TBCD: variants seen among roughly 807,000 people sequenced by gnomAD.
TBCD encodes the protein tubulin-specific chaperone D.
In TBCD, 105 loss-of-function variants were observed where a neutral mutation model predicts 169.3. The observed-to-expected ratio is 0.62, with a 90% confidence interval of 0.53 to 0.73. The LOEUF (loss-of-function observed/expected upper bound fraction) is 0.73. TBCD is among the 30% of genes least tolerant of loss of function. The pLI is 0.00. For missense variants in TBCD, 1,444 were observed against 1,600.1 expected (o/e 0.90, Z 1.66); for synonymous variants, 700 against 643.9 (o/e 1.09, Z -1.32).
intron 33 of TBCD, chr17:82,932,274 G>C: frequency 2.7e-6 from 1 of 371,622 alleles, no homozygotes; most frequent in Non-Finnish European, 5.1e-6. Flanking sequence ...TATAGCGTCG[G>C]CACAGGCACC....
intron 6 of TBCD, among the ~76,000 whole-genome samples, chr17:82,780,936 C>T (rs868361953): frequency 9.2e-5 from 14 of 152,044 alleles, no homozygotes; most frequent in African/African-American, 3.4e-4. Context: ...TGAGCCACTG[C>T]GCCCGGCCAG....
intron 13 of TBCD, among the ~76,000 whole-genome samples, chr17:82,846,250 C>CT (rs1567878690): frequency 2.7e-5 from 4 of 148,488 alleles, no homozygotes; most frequent in African/African-American, 7.4e-5. Context: ...GCCCCCTCCA[C>CT]GCGCTGCGTC....
At chr17:82,863,368 C>T (rs1205183679) in intron 13 of TBCD, among the ~76,000 whole-genome samples, 2 of 152,194 alleles carry the variant, frequency 1.3e-5, no homozygotes, top group Non-Finnish European at 2.9e-5. Flanking sequence ...CAAGCGGTGT[C>T]TGTACAGGAC....
chr17:82,871,000 A>T (rs2057517269), intron 14 of TBCD, among the ~76,000 whole-genome samples: 1 of 152,234 alleles, frequency 6.6e-6, no homozygotes, highest in African/African-American at 2.4e-5. Flanking sequence ...GATGTAAGTG[A>T]ACACTTCAGA....
At chr17:82,894,765 C>A (rs2059368840) in intron 17 of TBCD, among the ~76,000 whole-genome samples, 1 of 152,230 alleles carries the variant, frequency 6.6e-6, no homozygotes, top group Non-Finnish European at 1.5e-5. Flanking sequence ...ACGGGCAGAT[C>A]ACCTGAGGTC....
At chr17:82,815,931 A>G (rs2051858187) in intron 13 of TBCD, among the ~76,000 whole-genome samples, 1 of 152,122 alleles carries the variant, frequency 6.6e-6, no homozygotes, top group Admixed American at 6.5e-5. Flanking sequence ...CATGCCATAA[A>G]ATGCACTCAT....
chr17:82,937,338 A>G lies in TBCD; in HGVS notation c.3259A>G (p.Lys1087Glu), dbSNP rs775364866. 7.4e-6 allele frequency: 12 copies of G among 1,613,992 alleles called. No homozygotes were observed. Among genetic ancestry groups the G allele is most frequent in the Non-Finnish European group, 8.5e-6 (10 of 1,179,894 alleles). Reference protein sequence around the residue: ...KEIKNSKDIQKLLSGIAVFCE... With the variant: ...KEIKNSKDIQELLSGIAVFCE... The stretch of plus-strand genomic sequence containing the variant: ...AATCAAGAATTCAAAAGATATCCAG[A>G]AGCTCCTGTCAGGCATCGCAGTGTG... The change falls in exon 35 of 39, where the codon AAG becomes GAG. Residue 1087 changes from lysine (K) to glutamate (E), a missense_variant. Transcript: ENST00000355528.
At chr17:82,871,543 C>G (rs1376734228) in intron 14 of TBCD, among the ~76,000 whole-genome samples, 3 of 152,252 alleles carry the variant, frequency 2.0e-5, no homozygotes, top group Non-Finnish European at 4.4e-5. Flanking sequence ...AGAAGCTCCT[C>G]CTGCAGCTGT....
At position 82,922,533 on chromosome 17, in the gene TBCD, TC is replaced by T. The variant is rs1765449030; in HGVS notation, c.2178+957del. On this transcript the variant is annotated intron_variant, in intron 25 of 38. Transcript: ENST00000355528. This position sits in a 1 kb window ranked among gnomAD's most constrained non-coding sequence, Gnocchi z 4.1. ...ATCTTCAATTTTCTTATTTTTTTTT[TC>T]TTAAGGAACTTGAACATTCTGTAGG... Among the ~76,000 whole-genome samples the T allele has an allele frequency of 6.6e-6, 1 of 152,202 alleles. No individual in the cohort carries two copies. The highest frequency in any genetic ancestry group is 1.9e-4 in the East Asian group (1 of 5,200).
intron 13 of TBCD, chr17:82,865,363 AC>A (rs1195329243): frequency 2.8e-6 from 2 of 726,810 alleles, no homozygotes; most frequent in Non-Finnish European, 3.4e-6. Context: ...GGCAGGCTCC[AC>A]GCTGAGGGTC....
chr17:82,921,630 A>T (rs2061424961), intron 25 of TBCD, 53 bp downstream of exon 25: 6 of 1,549,678 alleles, frequency 3.9e-6, no homozygotes, highest in Non-Finnish European at 5.3e-6. Flanking sequence ...TTAGTGTGTT[A>T]GTCACGGATG....
intron 13 of TBCD, among the ~76,000 whole-genome samples, chr17:82,844,854 G>A (rs1173071201): frequency 6.6e-6 from 1 of 152,140 alleles, no homozygotes; most frequent in African/African-American, 2.4e-5. Context: ...GTGGGGCACC[G>A]TGCCAGGTGC....
At chr17:82,804,934 G>T (rs1467233906) in intron 9 of TBCD, among the ~76,000 whole-genome samples, 1 of 152,232 alleles carries the variant, frequency 6.6e-6, no homozygotes, top group Non-Finnish European at 1.5e-5. Flanking sequence ...CAGCACCAGT[G>T]TGTGAGTTCT....
chr17:82,766,659 C>T (rs2048032792), intron 4 of TBCD, among the ~76,000 whole-genome samples: 3 of 152,102 alleles, frequency 2.0e-5, no homozygotes, highest in Non-Finnish European at 4.4e-5. Flanking sequence ...GTAAGTATAA[C>T]TGTGTTGGGT....
chr17:82,803,435 C>T (rs1019642318), intron 9 of TBCD, among the ~76,000 whole-genome samples: 13 of 152,216 alleles, frequency 8.5e-5, no homozygotes, highest in African/African-American at 3.1e-4. Flanking sequence ...TCGCCTTGTG[C>T]TTCCTTATCT....
At position 82,752,379 on chromosome 17, in the gene TBCD, TGCGTGGGCGGCGCC is replaced by T. The variant is rs959594810; in HGVS notation, c.184+8_184+21del. 47 of 1,243,092 alleles carry T rather than the reference TGCGTGGGCGGCGCC, an allele frequency of 3.8e-5. No individual in the cohort carries two copies. The Middle Eastern group carries it at 1.6e-3, about 42-fold the overall frequency. 77.0% of individuals were successfully genotyped at this position (1,243,092 alleles called of 1,614,324 possible). A position where few individuals can be genotyped will look rare whatever the true frequency, so the allele number is the denominator to read the frequency against. ...AGGTGGCCCTGGAGCGGTTCCGCGG[TGCGTGGGCGGCGCC>T]GCGTGCCCGCTTCCTCCCCCGGCCC... On this transcript the variant is annotated splice_donor_5th_base_variant and intron_variant, in intron 1 of 38. Transcript: ENST00000355528.
chr17:82,810,132 T>C (rs527581791), intron 12 of TBCD, among the ~76,000 whole-genome samples: 2 of 152,184 alleles, frequency 1.3e-5, no homozygotes, highest in South Asian at 4.1e-4. Context: ...TAGCCACGTG[T>C]ATCACTCAGA....
chr17:82,920,797 C>T lies in TBCD; in HGVS notation c.2101+179C>T, dbSNP rs188326333. ...ACCTGCTTAAATAATGGGTACCCACCGCCCTCTCCCCCCAACACAGGAGGG... is the reference window on the plus strand; with the variant it reads ...ACCTGCTTAAATAATGGGTACCCACTGCCCTCTCCCCCCAACACAGGAGGG... On this transcript the variant is annotated intron_variant, in intron 24 of 38. Transcript: ENST00000355528. This position sits in a 1 kb window ranked among gnomAD's most constrained non-coding sequence, Gnocchi z 4.1. 0.027 allele frequency among the ~76,000 whole-genome samples: 2,426 copies of T among 91,102 alleles called. 69 individuals carry two copies. Among genetic ancestry groups the T allele is most frequent in the African/African-American group, 0.074 (2,308 of 31,380 alleles). 59.8% of individuals were successfully genotyped at this position (91,102 alleles called of 152,430 possible).
chr17:82,793,796 C>T (rs983516178), intron 7 of TBCD, among the ~76,000 whole-genome samples: 9 of 151,884 alleles, frequency 5.9e-5, no homozygotes, highest in African/African-American at 2.2e-4. Context: ...CCTCCGTGTG[C>T]TGAGCCTGCG....
Sources: allele counts gnomAD v4.1 joint callset (sites outside exome capture counted in the v4.1 genomes callset), GRCh38; gene constraint gnomAD v4.1.1; non-coding constraint Gnocchi (gnomAD v3.1); transcripts MANE v1.5; gene names NCBI Gene and HGNC (gene_info 2026-07-23, HGNC 2026-07-21).